Variants in CNTN5 observed in about 807,000 individuals in gnomAD.
CNTN5 encodes the protein contactin-5.
In CNTN5, 77 loss-of-function variants were observed where a neutral mutation model predicts 129.1. The ratio of observed to expected loss-of-function variants is 0.60; its 90% CI spans 0.50 to 0.72. The LOEUF is 0.72. CNTN5 is among the 30% of genes least tolerant of loss of function. The probability of loss-of-function intolerance (pLI) is 0.00; values close to 1 mark genes in which losing one functional copy is unlikely to be tolerated. For synonymous variants in CNTN5, 509 were observed against 465.6 expected (o/e 1.09, Z -1.20); for missense variants, 1,478 against 1,328.8 (o/e 1.11, Z -1.75).
At chr11:99,328,890 A>AAAG (rs1865892845) in intron 2 of CNTN5, among the ~76,000 whole-genome samples, 8 of 134,686 alleles carry the variant, frequency 5.9e-5, no homozygotes, top group Non-Finnish European at 1.1e-4. Flanking sequence ...AAAAAAAAAG[A>AAAG]AAAAAAACAG....
chr11:99,846,121 C>T lies in CNTN5; in HGVS notation c.577+859C>T, dbSNP rs370197714. Among the ~76,000 whole-genome samples the T allele has an allele frequency of 8.4e-3, 918 of 109,790 alleles. 9 individuals are homozygous for T. Among genetic ancestry groups the T allele is most frequent in the African/African-American group, 0.03 (847 of 28,072 alleles). 72.0% of individuals were successfully genotyped at this position (109,790 alleles called of 152,430 possible). A position where few individuals can be genotyped will look rare whatever the true frequency, so the allele number is the denominator to read the frequency against. On this transcript the variant is annotated intron_variant, in intron 6 of 24. Coordinates refer to ENST00000524871, the MANE Select transcript of CNTN5 (RefSeq NM_014361.4). ...AAAAAAGATATTGTATGTGGCTATA[C>T]GGACATAGACACACACACACACACA...
At chr11:100,220,060 G>A (rs1434295773) in intron 15 of CNTN5, among the ~76,000 whole-genome samples, 1 of 152,040 alleles carries the variant, frequency 6.6e-6, no homozygotes, top group African/African-American at 2.4e-5. Context: ...GGTGGATCAT[G>A]AGGTCGAGAG....
intron 8 of CNTN5, among the ~76,000 whole-genome samples, chr11:99,966,591 G>T (rs1358940850): frequency 6.6e-6 from 1 of 152,158 alleles, no homozygotes; most frequent in Admixed American, 6.6e-5. Flanking sequence ...CCCTCAAGTT[G>T]CAGCTTTGTG....
intron 2 of CNTN5, among the ~76,000 whole-genome samples, chr11:99,413,660 C>A (rs1163998878): frequency 3.3e-5 from 5 of 151,776 alleles, no homozygotes; most frequent in African/African-American, 1.2e-4. Context: ...AAAACAAAAA[C>A]AAAAAAGATT....
At chr11:100,270,734 C>G (rs1489158672) in intron 17 of CNTN5, among the ~76,000 whole-genome samples, 1 of 152,268 alleles carries the variant, frequency 6.6e-6, no homozygotes, top group East Asian at 1.9e-4. Context: ...GAGCAAACTG[C>G]TCAAGAAATT....
chr11:100,189,951 A>G (rs1985458), intron 13 of CNTN5, among the ~76,000 whole-genome samples: 100,817 of 151,798 alleles, frequency 0.66, 33,591 homozygotes, highest in South Asian at 0.78. Context: ...TAATGAAAAT[A>G]TGTAAGTATA....
intron 3 of CNTN5, among the ~76,000 whole-genome samples, chr11:99,609,817 T>A (rs777456415): frequency 6.6e-6 from 1 of 152,132 alleles, no homozygotes; most frequent in Non-Finnish European, 1.5e-5. Context: ...CTGGCTCAAC[T>A]GTTTACTGGG....
At chr11:99,445,731 T>G (rs535325913) in intron 2 of CNTN5, among the ~76,000 whole-genome samples, 1 of 152,292 alleles carries the variant, frequency 6.6e-6, no homozygotes, top group South Asian at 2.1e-4. Flanking sequence ...CTTTTTTATA[T>G]TTCAGAGGAC....
Position 100,209,643 on chromosome 11 carries a change from C to T in CNTN5, c.1885-15049C>T, listed in dbSNP as rs1033721246. Among the ~76,000 whole-genome samples the T allele has an allele frequency of 2.6e-5, 4 of 152,196 alleles. No individual in the cohort carries two copies. In the South Asian group the frequency reaches 8.3e-4, roughly 31 times the overall value. ...AAGACAGTCATAATATTTGCTACCTCATCTGTCCTAAAATAATCCTTGTTA... is the reference window on the plus strand; with the variant it reads ...AAGACAGTCATAATATTTGCTACCTTATCTGTCCTAAAATAATCCTTGTTA... On this transcript the variant is annotated intron_variant, in intron 15 of 24. Transcript: ENST00000524871.
intron 15 of CNTN5, among the ~76,000 whole-genome samples, chr11:100,217,605 G>A (rs1252410768): frequency 1.3e-5 from 2 of 152,144 alleles, no homozygotes; most frequent in Non-Finnish European, 2.9e-5. Flanking sequence ...TAACTTCAAT[G>A]AGAGGTATTT....
At chr11:99,665,612 A>T (rs1438924629) in intron 3 of CNTN5, among the ~76,000 whole-genome samples, 3 of 149,286 alleles carry the variant, frequency 2.0e-5, no homozygotes, top group Non-Finnish European at 4.4e-5. Context: ...TCAGCCTCCC[A>T]AGTGGCTGGG....
intron 3 of CNTN5, among the ~76,000 whole-genome samples, chr11:99,591,525 A>G (rs1949980130): frequency 6.6e-6 from 1 of 151,734 alleles, no homozygotes; most frequent in Admixed American, 6.6e-5. Flanking sequence ...TTTTTAGTAG[A>G]GATGGGGTTT....
intron 3 of CNTN5, among the ~76,000 whole-genome samples, chr11:99,576,785 G>C (rs1949363711): frequency 6.6e-6 from 1 of 152,154 alleles, no homozygotes; most frequent in Non-Finnish European, 1.5e-5. Flanking sequence ...CTTGTTGGAA[G>C]GAGCAGGGCA....
At chr11:99,199,756 G>T (rs535685661) in intron 1 of CNTN5, among the ~76,000 whole-genome samples, 1 of 152,276 alleles carries the variant, frequency 6.6e-6, no homozygotes, top group African/African-American at 2.4e-5. Flanking sequence ...TTGGTTAGCT[G>T]AATTCAACAC....
At position 99,419,560 on chromosome 11, in the gene CNTN5, C is replaced by G. The variant is rs141481990; in HGVS notation, c.-71+94076C>G. ...AGGGCTGGAAGTGTTAAAAACAGAG[C>G]CTGACAGCAATGAAATTAGTGACAA... On this transcript the variant is annotated intron_variant, in intron 2 of 24. Transcript: ENST00000524871. Among the ~76,000 whole-genome samples the G allele has an allele frequency of 7.2e-4, 109 of 152,152 alleles. No individual in the cohort carries two copies. The East Asian group carries it at 0.017, about 24-fold the overall frequency.
chr11:99,222,929 C>T (rs1243389915), intron 1 of CNTN5, among the ~76,000 whole-genome samples: 2 of 152,130 alleles, frequency 1.3e-5, no homozygotes, highest in Non-Finnish European at 2.9e-5. Context: ...AAAAATGATT[C>T]TATTCCCTCT....
intron 3 of CNTN5, among the ~76,000 whole-genome samples, chr11:99,726,744 T>G (rs547219179): frequency 7.2e-5 from 11 of 152,284 alleles, no homozygotes; most frequent in South Asian, 2.1e-4. Flanking sequence ...ACACAGGCTA[T>G]TATTTTAGAC....
Position 100,313,674 on chromosome 11 carries a change from G to A in CNTN5, c.2730+5206G>A, listed in dbSNP as rs76615952. ...GGTATTTAAATCCATGCTACCATAGGAAAGCATCTGAGGACAAAATTTCAA... is the reference window on the plus strand; with the variant it reads ...GGTATTTAAATCCATGCTACCATAGAAAAGCATCTGAGGACAAAATTTCAA... On this transcript the variant is annotated intron_variant, in intron 21 of 24. Coordinates refer to ENST00000524871, the MANE Select transcript of CNTN5 (RefSeq NM_014361.4). Among the ~76,000 whole-genome samples the A allele has an allele frequency of 5.5e-3, 829 of 152,056 alleles. 5 individuals are homozygous for A. Among genetic ancestry groups the A allele is most frequent in the Middle Eastern group, 0.024 (7 of 294 alleles).
intron 1 of CNTN5, among the ~76,000 whole-genome samples, chr11:99,128,139 T>A: frequency 6.6e-6 from 1 of 152,114 alleles, no homozygotes; most frequent in Non-Finnish European, 1.5e-5. Flanking sequence ...CCAAACATCC[T>A]CACTCAGAGG....
Sources: allele counts gnomAD v4.1 joint callset (sites outside exome capture counted in the v4.1 genomes callset), GRCh38; gene constraint gnomAD v4.1.1; transcripts MANE v1.5; gene names NCBI Gene and HGNC (gene_info 2026-07-23, HGNC 2026-07-21).